The following CCDC148 variants were observed in gnomAD, a reference collection of about 807,000 sequenced individuals.
The protein encoded by CCDC148 is coiled-coil domain containing 148, also known as coiled-coil domain-containing protein 148.
A neutral mutation model predicts 85.7 loss-of-function variants in CCDC148; 89 were observed. That is an observed-to-expected ratio of 1.04 (90% CI 0.87 to 1.24). The LOEUF is 1.24. Among genes scored for constraint, CCDC148 ranks in the 50% most tolerant of loss-of-function variants. The pLI, the probability that CCDC148 is intolerant of heterozygous loss-of-function variation, is 0.00. For missense variants in CCDC148, 692 were observed against 671.7 expected (o/e 1.03, Z -0.33); for synonymous variants, 230 against 213.9 (o/e 1.08, Z -0.66).
At chr2:158,350,704 A>G (rs1426610632) in intron 2 of CCDC148, among the ~76,000 whole-genome samples, 3 of 152,086 alleles carry the variant, frequency 2.0e-5, no homozygotes, top group Non-Finnish European at 4.4e-5. Context: ...TTCTCTTTGG[A>G]GTACTTGTCA....
At chr2:158,278,908 C>T (rs966344755) in intron 9 of CCDC148, among the ~76,000 whole-genome samples, 17 of 152,214 alleles carry the variant, frequency 1.1e-4, no homozygotes, top group Non-Finnish European at 2.4e-4. Flanking sequence ...CCTCACACAG[C>T]CGGGTACTCC....
chr2:158,233,320 A>T (rs1224942758), intron 10 of CCDC148, among the ~76,000 whole-genome samples: 2 of 151,890 alleles, frequency 1.3e-5, no homozygotes, highest in Non-Finnish European at 2.9e-5. Context: ...TACTTCATTT[A>T]GATCAATGAT....
intron 13 of CCDC148, among the ~76,000 whole-genome samples, chr2:158,172,514 A>T (rs977007572): frequency 1.3e-5 from 2 of 152,030 alleles, no homozygotes; most frequent in African/African-American, 2.4e-5. Flanking sequence ...TAATGCGTTA[A>T]AATTATTAAA....
intron 1 of CCDC148, chr2:158,420,178 G>C (rs1053240984): frequency 2.6e-5 from 4 of 152,128 alleles, no homozygotes; most frequent in Non-Finnish European, 5.9e-5. Flanking sequence ...CACTCTGCAG[G>C]ATATTATCCA....
chr2:158,418,245 G>A (rs1321737827), intron 1 of CCDC148, among the ~76,000 whole-genome samples: 3 of 151,878 alleles, frequency 2.0e-5, no homozygotes, highest in African/African-American at 7.3e-5. Context: ...CTACAATGAA[G>A]GGGTTGGACT....
intron 2 of CCDC148, among the ~76,000 whole-genome samples, chr2:158,349,906 G>C (rs1301052938): frequency 6.6e-6 from 1 of 152,034 alleles, no homozygotes; most frequent in Non-Finnish European, 1.5e-5. Flanking sequence ...AATCTACGGA[G>C]ACTAAAAATG....
At chr2:158,285,782 C>T (rs548595263) in intron 9 of CCDC148, among the ~76,000 whole-genome samples, 148 of 151,948 alleles carry the variant, frequency 9.7e-4, no homozygotes, top group Non-Finnish European at 1.6e-3. Context: ...ATGATCCACC[C>T]GCCTCAGCCT....
At chr2:158,179,300 A>G (rs1684762714) in intron 11 of CCDC148, among the ~76,000 whole-genome samples, 1 of 149,196 alleles carries the variant, frequency 6.7e-6, no homozygotes, top group Non-Finnish European at 1.5e-5. Flanking sequence ...CTGGGATTAC[A>G]GGTACCCGCC....
At chr2:158,352,447 A>T (rs531285430) in intron 2 of CCDC148, among the ~76,000 whole-genome samples, 4 of 152,196 alleles carry the variant, frequency 2.6e-5, no homozygotes, top group Non-Finnish European at 4.4e-5. Flanking sequence ...CTCAGGAGCC[A>T]ATGCGATCAG....
intron 1 of CCDC148, among the ~76,000 whole-genome samples, chr2:158,455,175 T>C (rs568093621): frequency 6.4e-4 from 97 of 152,296 alleles, no homozygotes; most frequent in African/African-American, 2.3e-3. Context: ...TTCTGTTCTA[T>C]AAACAAAAAC....
intron 9 of CCDC148, among the ~76,000 whole-genome samples, chr2:158,286,915 G>A (rs775665735): frequency 6.6e-6 from 1 of 152,134 alleles, no homozygotes; most frequent in Non-Finnish European, 1.5e-5. Context: ...GACTGTATTA[G>A]TCCGTTTTCA....
chr2:158,441,939 TTGGC>T (rs1687951425), intron 1 of CCDC148, among the ~76,000 whole-genome samples: 1 of 152,186 alleles, frequency 6.6e-6, no homozygotes, highest in Admixed American at 6.5e-5. Flanking sequence ...TACCAAAGAT[TTGGC>T]ATAATGGTAC....
chr2:158,389,224 G>A (rs912764419), intron 1 of CCDC148, among the ~76,000 whole-genome samples: 1 of 152,156 alleles, frequency 6.6e-6, no homozygotes, highest in Non-Finnish European at 1.5e-5. Flanking sequence ...AAACACGTTT[G>A]TATAACATAA....
intron 9 of CCDC148, among the ~76,000 whole-genome samples, chr2:158,287,005 C>A (rs563980594): frequency 2.0e-5 from 3 of 152,118 alleles, no homozygotes; most frequent in Admixed American, 6.5e-5. Context: ...GCTGGGGAGG[C>A]CTTAGAATCA....
chr2:158,254,204 C>A (rs1264160757), intron 9 of CCDC148, among the ~76,000 whole-genome samples: 1 of 151,544 alleles, frequency 6.6e-6, no homozygotes, highest in African/African-American at 2.4e-5. Flanking sequence ...ATAATTAGAG[C>A]TATTTCAATA....
At chr2:158,347,580 TA>T (rs1268975841) in intron 2 of CCDC148, among the ~76,000 whole-genome samples, 1 of 152,144 alleles carries the variant, frequency 6.6e-6, no homozygotes, top group Admixed American at 6.5e-5. Context: ...GGGTGGATGA[TA>T]ATTTGTGCAG....
At chr2:158,359,689 C>A (rs1420505911) in intron 1 of CCDC148, among the ~76,000 whole-genome samples, 1 of 152,210 alleles carries the variant, frequency 6.6e-6, no homozygotes. Flanking sequence ...TTGCAACCCA[C>A]AGACCAGGAG....
intron 1 of CCDC148, 46 bp from the exon 2 acceptor site, chr2:158,358,616 T>C: frequency 7.3e-7 from 1 of 1,361,084 alleles, no homozygotes; most frequent in South Asian, 1.5e-5. Context: ...GAATATCATG[T>C]TATTGGAAGT....
At chr2:158,199,948 T>C (rs1018317584) in intron 11 of CCDC148, among the ~76,000 whole-genome samples, 11 of 152,194 alleles carry the variant, frequency 7.2e-5, no homozygotes, top group African/African-American at 2.7e-4. Context: ...TGAAATGGCA[T>C]TGATTTTATA....
Sources: gnomAD v4.1 joint callset for allele counts (sites outside exome capture counted in the v4.1 genomes callset) on GRCh38, gnomAD v4.1.1 for gene constraint, MANE v1.5 for transcripts, NCBI Gene and HGNC (gene_info 2026-07-23, HGNC 2026-07-21) for gene names.